TEX29: variants seen among roughly 807,000 people sequenced by gnomAD.
The protein encoded by TEX29 is testis-expressed protein 29.
In TEX29, 26 loss-of-function variants were observed where a neutral mutation model predicts 18.2. The ratio of observed to expected loss-of-function variants is 1.43; its 90% CI spans 1.04 to 1.98. TEX29 has a LOEUF of 1.98. Among genes scored for constraint, TEX29 ranks in the 30% most tolerant of loss-of-function variants. The probability of loss-of-function intolerance (pLI) is 0.00; values close to 1 mark genes in which losing one functional copy is unlikely to be tolerated. For synonymous variants in TEX29, 83 were observed against 78.5 expected (o/e 1.06, Z -0.31); for missense variants, 177 against 194.2 (o/e 0.91, Z 0.53).
At chr13:111,329,356 C>T (rs567323214) in intron 3 of TEX29, among the ~76,000 whole-genome samples, 1 of 152,070 alleles carries the variant, frequency 6.6e-6, no homozygotes, top group South Asian at 2.1e-4. Context: ...TTTCTCCACC[C>T]CCACCACCCC....
At position 111,342,886 on chromosome 13, in the gene TEX29, C is replaced by T. The variant is rs2093698922; in HGVS notation, c.370C>T (p.Pro124Ser). The change falls in exon 5 of 6, where the codon CCA (proline) becomes TCA (serine). Residue 124 changes from proline (P) to serine (S), a missense_variant. Coordinates refer to ENST00000283547, the MANE Select transcript of TEX29 (RefSeq NM_152324.3). ...GCTGAAGCCTGCGAGTCCTGGGCCTCCAAGTGCTGGGCCCTCGATGAAGAG... is the reference window on the plus strand; with the variant it reads ...GCTGAAGCCTGCGAGTCCTGGGCCTTCAAGTGCTGGGCCCTCGATGAAGAG... ...LGLKPASPGP[P>S]SAGPSMKSDE... is the part of the protein sequence containing the mutation. 1 of 1,614,034 alleles carries T rather than the reference C, an allele frequency of 6.2e-7. No individual in the cohort carries two copies. The highest frequency in any genetic ancestry group is 1.3e-5 in the African/African-American group (1 of 74,904).
In TEX29 at chr13:111,344,230, A is replaced by T. The variant is rs973490954; in HGVS notation, c.*107A>T. On this transcript the variant is annotated 3_prime_UTR_variant, in exon 6 of 6. Transcript: ENST00000283547. ...AATGACCACCCAAAGAGAAAAAAAT[A>T]AAGGTATTTTGAAAATTGCTTCTCG... is the stretch of plus-strand genomic sequence containing the variant. 1.0e-6 allele frequency: 1 copy of T among 965,892 alleles called. No homozygotes were observed. Among genetic ancestry groups the T allele is most frequent in the Non-Finnish European group, 1.6e-6 (1 of 624,876 alleles). 59.8% of individuals were successfully genotyped at this position (965,892 alleles called of 1,614,324 possible). A position where few individuals can be genotyped will look rare whatever the true frequency, so the allele number is the denominator to read the frequency against.
chr13:111,343,036 A>C, intron 5 of TEX29, 105 bp downstream of exon 5: 1 of 1,328,162 alleles, frequency 7.5e-7, no homozygotes, highest in Admixed American at 2.3e-5. Flanking sequence ...CAGGCCCTTC[A>C]ACCTCAGTGA....
chr13:111,342,660 T>C, intron 4 of TEX29, 96 bp from the exon 5 acceptor site: 1 of 1,206,042 alleles, frequency 8.3e-7, no homozygotes, highest in Non-Finnish European at 1.2e-6. Context: ...CAGGAACCTG[T>C]GTTTTCAGAG....
chr13:111,325,253 T>C (rs2093670935), intron 2 of TEX29, among the ~76,000 whole-genome samples: 1 of 152,176 alleles, frequency 6.6e-6, no homozygotes, highest in Admixed American at 6.5e-5. Context: ...ATGGCTCCTC[T>C]CCCTCTTCCC....
intron 2 of TEX29, among the ~76,000 whole-genome samples, chr13:111,327,733 G>C (rs1567160375): frequency 6.6e-6 from 1 of 152,176 alleles, no homozygotes; most frequent in South Asian, 2.1e-4. Context: ...GTCAAAACTG[G>C]CATTAAACTT....
chr13:111,328,183 T>C lies in TEX29; in HGVS notation c.59T>C (p.Val20Ala). The C allele has an allele frequency of 6.2e-7, 1 of 1,603,392 alleles. No individual in the cohort carries two copies. Among genetic ancestry groups the C allele is most frequent in the Non-Finnish European group, 8.5e-7 (1 of 1,170,302 alleles). Reference sequence around the variant, plus strand: ...CTTGTGTATGTCTGTGCTTTTGCAGTGTGTGACGTTCCTCTGTATGACATT... The same window carrying C: ...CTTGTGTATGTCTGTGCTTTTGCAGCGTGTGACGTTCCTCTGTATGACATT... ...SPRHLLKQFT[V>A]CDVPLYDICD... is the part of the protein sequence containing the mutation. Residue 20 changes from valine (V) to alanine (A), a missense_variant and splice_region_variant, in exon 3 of 6, where the codon GTG (valine) becomes GCG (alanine). Val to Ala is a moderately conservative substitution (Grantham distance 64, BLOSUM62 0). Transcript: ENST00000283547.
Position 111,334,545 on chromosome 13 carries a change from G to T in TEX29, c.170-5318G>T, listed in dbSNP as rs538895960. Reference sequence around the variant, plus strand: ...GCCACCATAGGTCTTTCCTTGCAAAGCCCACAGCACTGGACATGTCCATGG... The same window carrying T: ...GCCACCATAGGTCTTTCCTTGCAAATCCCACAGCACTGGACATGTCCATGG... On this transcript the variant is annotated intron_variant, in intron 3 of 5. Transcript: ENST00000283547. Among the ~76,000 whole-genome samples, 4 of 152,352 alleles carry T rather than the reference G, an allele frequency of 2.6e-5. No individual in the cohort carries two copies. In the East Asian group the frequency reaches 5.8e-4, roughly 22 times the overall value.
At chr13:111,328,152 G>A in intron 2 of TEX29, 31 bp from the exon 3 acceptor site, 1 of 1,465,808 alleles carries the variant, frequency 6.8e-7, no homozygotes, top group Non-Finnish European at 9.6e-7. Flanking sequence ...GTTTTCGGGG[G>A]TGACACTTGT....
intron 5 of TEX29, 80 bp downstream of exon 5, chr13:111,343,011 G>C: frequency 1.3e-6 from 2 of 1,506,876 alleles, no homozygotes; most frequent in Non-Finnish European, 1.8e-6. Context: ...CCTGGGAAGG[G>C]GCTCAACATC....
intron 2 of TEX29, among the ~76,000 whole-genome samples, chr13:111,322,503 GAGGGGCTGTC>G (rs754256453): frequency 9.8e-5 from 15 of 152,332 alleles, no homozygotes; most frequent in Admixed American, 2.6e-4. Flanking sequence ...CCCCGTCTGT[GAGGGGCTGTC>G]AGGGGCTGCT....
chr13:111,339,857 T>A lies in TEX29; in HGVS notation c.170-6T>A, dbSNP rs765628344. 1 of 1,614,118 alleles carries A rather than the reference T, an allele frequency of 6.2e-7. No homozygotes were observed. The highest frequency in any genetic ancestry group is 1.7e-5 in the Admixed American group (1 of 60,034). On this transcript the variant is annotated splice_region_variant and splice_polypyrimidine_tract_variant and intron_variant, in intron 3 of 5. Coordinates refer to ENST00000283547, the MANE Select transcript of TEX29 (RefSeq NM_152324.3). ...CGAAATGACTTCAAATCCCACCATT[T>A]TTCAGTTTACATCCACGTGTTCTCT...
Position 111,341,844 on chromosome 13 carries a change from G to A in TEX29, c.240-912G>A, listed in dbSNP as rs888725218. ...CTTTTCAGCCCTTGAAGCCACTGAC[G>A]ATGTAAGTGAACTTACTGTCCCCGG... On this transcript the variant is annotated intron_variant, in intron 4 of 5. Coordinates refer to ENST00000283547, the MANE Select transcript of TEX29 (RefSeq NM_152324.3). Among the ~76,000 whole-genome samples the A allele has an allele frequency of 9.2e-5, 14 of 152,210 alleles. 1 individual carries two copies. The highest frequency in any genetic ancestry group is 3.4e-4 in the African/African-American group (14 of 41,460).
intron 2 of TEX29, among the ~76,000 whole-genome samples, chr13:111,324,659 C>T (rs1282129721): frequency 1.3e-5 from 2 of 152,106 alleles, no homozygotes; most frequent in South Asian, 2.1e-4. Flanking sequence ...GAAGGAGAAA[C>T]GCCAGGGAAT....
chr13:111,336,054 T>C (rs2093689270), intron 3 of TEX29, among the ~76,000 whole-genome samples: 1 of 152,222 alleles, frequency 6.6e-6, no homozygotes, highest in African/African-American at 2.4e-5. Flanking sequence ...ATGACTGGTG[T>C]TATAAGGAAC....
intron 3 of TEX29, among the ~76,000 whole-genome samples, chr13:111,330,179 G>C (rs971111912): frequency 1.3e-5 from 2 of 152,158 alleles, no homozygotes; most frequent in African/African-American, 4.8e-5. Context: ...TTGATTACGT[G>C]GGGACTGCCC....
upstream of TEX29, among the ~76,000 whole-genome samples, chr13:111,317,512 C>T (rs899737277): frequency 6.6e-6 from 1 of 152,170 alleles, no homozygotes; most frequent in Non-Finnish European, 1.5e-5. Context: ...ACCTGGCGTG[C>T]TCCTCCGGCC....
chr13:111,316,322 G>T (rs542404678), upstream of TEX29: 1 of 460,530 alleles, frequency 2.2e-6, no homozygotes, highest in Non-Finnish European at 4.4e-6. Flanking sequence ...GGAAGGTGTG[G>T]GGCATGCACA....
intron 3 of TEX29, chr13:111,339,418 A>G: frequency 2.2e-6 from 1 of 451,776 alleles, no homozygotes; most frequent in Non-Finnish European, 4.4e-6. Context: ...AGCACCATCT[A>G]TCCTCCACAC....
Sources: allele counts gnomAD v4.1 joint callset (sites outside exome capture counted in the v4.1 genomes callset), GRCh38; gene constraint gnomAD v4.1.1; transcripts MANE v1.5; gene names NCBI Gene and HGNC (gene_info 2026-07-23, HGNC 2026-07-21).